USH2A: variants seen among roughly 807,000 people sequenced by gnomAD.
The protein encoded by USH2A is usherin, also known as Usher syndrome 2A (autosomal recessive, mild).
A neutral mutation model predicts 538.9 loss-of-function variants in USH2A; 443 were observed. The ratio of observed to expected loss-of-function variants is 0.82; its 90% CI spans 0.76 to 0.89. The LOEUF is 0.89. USH2A is among the 40% of genes least tolerant of loss of function. The pLI is 0.00. For synonymous variants in USH2A, 2,413 were observed against 2,273.5 expected, an observed-to-expected ratio of 1.06 and a Z score of -1.75; for missense variants, 6,633 against 6,324.8, an observed-to-expected ratio of 1.05 and a Z score of -1.65.
At chr1:215,667,045 T>C (rs1398781401) in intron 64 of USH2A, among the ~76,000 whole-genome samples, 1 of 151,854 alleles carries the variant, frequency 6.6e-6, no homozygotes. Flanking sequence ...GAGCCAAGAT[T>C]GCGCCATTGC....
chr1:216,306,154 T>G (rs545805463), intron 9 of USH2A, among the ~76,000 whole-genome samples: 3 of 152,284 alleles, frequency 2.0e-5, no homozygotes, highest in Admixed American at 1.3e-4. Context: ...CAATTATTCT[T>G]AGATTTGGTC....
intron 61 of USH2A, among the ~76,000 whole-genome samples, chr1:215,713,367 T>C (rs3845524): frequency 0.6 from 91,988 of 152,048 alleles, 28,028 homozygotes; most frequent in East Asian, 0.8. Flanking sequence ...GTCTCTAATC[T>C]ATGTTTCCTG....
intron 35 of USH2A, among the ~76,000 whole-genome samples, chr1:215,991,208 A>G (rs929293510): frequency 6.6e-6 from 1 of 152,202 alleles, no homozygotes; most frequent in African/African-American, 2.4e-5. Context: ...ACATTAAGCC[A>G]TAAATATTCC....
intron 47 of USH2A, among the ~76,000 whole-genome samples, chr1:215,817,397 A>G (rs1481654721): frequency 1.3e-5 from 2 of 151,902 alleles, no homozygotes; most frequent in Non-Finnish European, 2.9e-5. Context: ...GTGGTTTATT[A>G]CTTTCAGTTT....
chr1:216,290,103 A>G (rs2036973107), intron 10 of USH2A, among the ~76,000 whole-genome samples: 2 of 152,176 alleles, frequency 1.3e-5, no homozygotes, highest in Non-Finnish European at 2.9e-5. Flanking sequence ...CCTAAACTAC[A>G]AGGAATTTTT....
chr1:215,826,752 T>G (rs919064705), intron 47 of USH2A, among the ~76,000 whole-genome samples: 1 of 152,164 alleles, frequency 6.6e-6, no homozygotes, highest in Non-Finnish European at 1.5e-5. Context: ...GTAAAGGATT[T>G]TTTTTTCTCT....
rs1411007155 is a variant in USH2A, at chr1:215,993,091, G to A, written c.6734C>T (p.Pro2245Leu). 6.2e-7 allele frequency: 1 copy of A among 1,613,940 alleles called. No homozygotes were observed. Among genetic ancestry groups the A allele is most frequent in the African/African-American group, 1.3e-5 (1 of 74,904 alleles). Residue 2245 changes from proline to leucine, a missense_variant, in exon 35 of 72, where the codon CCA (proline) becomes CTA (leucine). By Grantham distance (98) the Pro-to-Leu change is moderately conservative. Coordinates refer to ENST00000307340, the MANE Select transcript of USH2A (RefSeq NM_206933.4). ...LTDEDIPEGVPAPKAHSYSPD... is the reference protein window; with the variant it reads ...LTDEDIPEGVLAPKAHSYSPD... ...TGAATATGAGTGGGCTTTGGGGGCTGGCACGCCTTCGGGTATGTCCTCGTC... is the reference window on the plus strand; with the variant it reads ...TGAATATGAGTGGGCTTTGGGGGCTAGCACGCCTTCGGGTATGTCCTCGTC...
chr1:216,077,890 C>T (rs1432698336), intron 27 of USH2A, among the ~76,000 whole-genome samples, 199 bp downstream of exon 27: 2 of 151,862 alleles, frequency 1.3e-5, no homozygotes, highest in Non-Finnish European at 2.9e-5. Flanking sequence ...AATGATGGCA[C>T]ATTGTTAAGG....
chr1:216,164,044 TA>T (rs1481630979), intron 21 of USH2A, among the ~76,000 whole-genome samples: 1 of 152,134 alleles, frequency 6.6e-6, no homozygotes, highest in African/African-American at 2.4e-5. Context: ...TGTAATTACT[TA>T]ATTACATGTT....
chr1:216,198,951 G>T (rs1157391073), intron 17 of USH2A, among the ~76,000 whole-genome samples: 1 of 152,044 alleles, frequency 6.6e-6, no homozygotes, highest in Non-Finnish European at 1.5e-5. Context: ...CAGTTCTTTT[G>T]GGGAATTTGA....
At chr1:216,055,039 G>T (rs566809775) in intron 30 of USH2A, among the ~76,000 whole-genome samples, 50 of 152,072 alleles carry the variant, frequency 3.3e-4, no homozygotes, top group Non-Finnish European at 5.0e-4. Flanking sequence ...GTTAGCAAAG[G>T]CATTTGGGAT....
chr1:216,284,465 C>T (rs2036844090), intron 11 of USH2A, among the ~76,000 whole-genome samples: 1 of 152,204 alleles, frequency 6.6e-6, no homozygotes, highest in Non-Finnish European at 1.5e-5. Flanking sequence ...TGTAAGTTTA[C>T]TGAGGCCTCC....
rs1393220092 is a variant in USH2A at position 216,231,249 on chromosome 1, TTATATATATAATA to T, written c.2993+691_2993+703del. Reference sequence around the variant, plus strand: ...CATATATCCCATATATATATATATATTATATATATAATATATATATATAATATATATACACAGA... The same window carrying T: ...CATATATCCCATATATATATATATATTATATATATAATATATATACACAGA... On this transcript the variant is annotated intron_variant, in intron 14 of 71. Coordinates refer to ENST00000307340, the MANE Select transcript of USH2A (RefSeq NM_206933.4). Among the ~76,000 whole-genome samples, 26 of 83,746 alleles carry T rather than the reference TTATATATATAATA, an allele frequency of 3.1e-4. 1 individual carries two copies. Among genetic ancestry groups the T allele is most frequent in the African/African-American group, 1.0e-3 (23 of 21,906 alleles). The allele number at this position is 83,746 out of a possible 152,430, so 54.9% of individuals were successfully genotyped here.
Position 216,105,021 on chromosome 1 carries a change from A to G in USH2A, c.4628-7808T>C, listed in dbSNP as rs200797587. ...GAAGGATATGAACACATACTTCTCA[A>G]AAGAAGACATTTATGCAGCCAACAG... On this transcript the variant is annotated intron_variant, in intron 21 of 71. Coordinates refer to ENST00000307340, the MANE Select transcript of USH2A (RefSeq NM_206933.4). Among the ~76,000 whole-genome samples, 6 of 152,208 alleles carry G rather than the reference A, an allele frequency of 3.9e-5. No individual in the cohort carries two copies. The East Asian group carries it at 1.2e-3, about 29-fold the overall frequency.
At chr1:215,941,247 T>G (rs1666625234) in intron 37 of USH2A, among the ~76,000 whole-genome samples, 1 of 152,120 alleles carries the variant, frequency 6.6e-6, no homozygotes, top group African/African-American at 2.4e-5. Flanking sequence ...TATATATGCA[T>G]GTATATTATA....
intron 61 of USH2A, among the ~76,000 whole-genome samples, chr1:215,703,690 CT>C (rs753523144): frequency 3.0e-4 from 46 of 152,166 alleles, no homozygotes; most frequent in Non-Finnish European, 5.7e-4. Context: ...CCTAGGTTGA[CT>C]TCAGACTGCT....
chr1:216,004,761 T>C (rs879660799), intron 32 of USH2A, among the ~76,000 whole-genome samples: 1 of 152,132 alleles, frequency 6.6e-6, no homozygotes, highest in Non-Finnish European at 1.5e-5. Flanking sequence ...GGGAAAACTA[T>C]GAAGTGGATG....
chr1:215,865,779 A>G (rs1170690353), intron 44 of USH2A, among the ~76,000 whole-genome samples: 2 of 152,242 alleles, frequency 1.3e-5, no homozygotes, highest in Admixed American at 6.5e-5. Flanking sequence ...TTTTGTAAAG[A>G]TGGATTATTT....
intron 35 of USH2A, among the ~76,000 whole-genome samples, chr1:215,978,574 A>C (rs986960086): frequency 1.8e-4 from 28 of 152,198 alleles, no homozygotes; most frequent in African/African-American, 6.8e-4. Context: ...ACCTTTATGG[A>C]AGTAAGAAAA....
Sources: allele counts gnomAD v4.1 joint callset (sites outside exome capture counted in the v4.1 genomes callset), GRCh38; gene constraint gnomAD v4.1.1; transcripts MANE v1.5; gene names NCBI Gene and HGNC (gene_info 2026-07-23, HGNC 2026-07-21).